Variants in KRT82 observed in about 807,000 individuals in gnomAD.
KRT82 encodes the protein keratin 82.
KRT82 carries 44 observed loss-of-function variants against 48.0 expected under a neutral mutation model. The observed-to-expected ratio is 0.92, with a 90% CI of 0.72 to 1.18. The LOEUF (loss-of-function observed/expected upper bound fraction) is 1.18. KRT82 is among the 50% of genes most tolerant of loss of function. The pLI is 0.00. For missense variants in KRT82, 701 were observed against 671.4 expected (o/e 1.04, Z -0.49); for synonymous variants, 297 against 278.3 (o/e 1.07, Z -0.67).
At position 52,405,852 on chromosome 12, in the gene KRT82, C is replaced by A; in HGVS notation, c.411+15G>T. On this transcript the variant is annotated intron_variant, in intron 1 of 8. Transcript: ENST00000257974. ...CAGTGGGTCCTCTCACGGCCCTGGGCCACTGCCCCCTTACCTTGTTGATGA... is the reference window on the plus strand; with the variant it reads ...CAGTGGGTCCTCTCACGGCCCTGGGACACTGCCCCCTTACCTTGTTGATGA... 6.3e-7 allele frequency: 1 copy of A among 1,598,118 alleles called. No homozygotes were observed.
Position 52,400,094 on chromosome 12 carries a change from T to C in KRT82, c.833A>G (p.Asp278Gly), listed in dbSNP as rs1939767764. Residue 278 changes from aspartate (D) to glycine (G), a missense_variant, in exon 5 of 9, where the codon GAC becomes GGC. Coordinates refer to ENST00000257974, the MANE Select transcript of KRT82 (RefSeq NM_033033.4). ...GTCCACGTCCAGCTCCCGGCTGTTG[T>C]CCATCTTCACAATGACCGAGGTCTC... ...ISETSVIVKM[D>G]NSRELDVDGI... The C allele has an allele frequency of 2.5e-6, 4 of 1,614,140 alleles. No homozygotes were observed. The highest frequency in any genetic ancestry group is 3.4e-6 in the Non-Finnish European group (4 of 1,179,992).
Position 52,400,060 on chromosome 12 carries a change from G to A in KRT82, c.867C>T (p.Ile289=), listed in dbSNP as rs764209499. 1.2e-6 allele frequency: 2 copies of A among 1,614,194 alleles called. No individual in the cohort carries two copies. The highest frequency in any genetic ancestry group is 8.5e-7 in the Non-Finnish European group (1 of 1,180,020). Residue 289 remains isoleucine, a synonymous_variant, in exon 5 of 9, where the codon ATC becomes ATT. Transcript: ENST00000257974. ...CGTCATACTGCGCCTTGATCTCAGC[G>A]ATGATGCCGTCCACGTCCAGCTCCC... ...NSRELDVDGI[I]AEIKAQYDDI...
intron 1 of KRT82, among the ~76,000 whole-genome samples, chr12:52,405,309 C>T (rs2121486360): frequency 6.6e-6 from 1 of 152,352 alleles, no homozygotes; most frequent in South Asian, 2.1e-4. Context: ...GAAGGCATGC[C>T]TTCCTAGCAG....
At chr12:52,395,341 C>T in intron 8 of KRT82, 146 bp from the exon 9 acceptor site, 10 of 663,642 alleles carry the variant, frequency 1.5e-5, no homozygotes, top group Non-Finnish European at 2.3e-5. Flanking sequence ...CTCCGCGTCT[C>T]CCACCCTAGC....
intron 7 of KRT82, 54 bp downstream of exon 7, chr12:52,395,958 G>A (rs1939707152): frequency 6.2e-7 from 1 of 1,606,684 alleles, no homozygotes; most frequent in Non-Finnish European, 8.5e-7. Context: ...CCAGAGGGCT[G>A]GGTAATGGCC....
intron 2 of KRT82, among the ~76,000 whole-genome samples, chr12:52,401,763 T>G (rs1399036428): frequency 6.6e-6 from 1 of 152,064 alleles, no homozygotes; most frequent in African/African-American, 2.4e-5. Context: ...CTGGGAGGGT[T>G]CAGAGCCTGG....
chr12:52,399,309 C>T (rs550124815), intron 5 of KRT82, among the ~76,000 whole-genome samples: 11 of 152,346 alleles, frequency 7.2e-5, no homozygotes, highest in East Asian at 5.8e-4. Flanking sequence ...GGAATGAAAG[C>T]GACATGAAGG....
At chr12:52,400,440 A>G (rs2121476423) in intron 4 of KRT82, 87 bp downstream of exon 4, 1 of 998,164 alleles carries the variant, frequency 1.0e-6, no homozygotes, top group Middle Eastern at 2.0e-4. Context: ...TTGCCCTGAA[A>G]TGTACCCACT....
intron 3 of KRT82, 88 bp from the exon 4 acceptor site, chr12:52,400,710 C>T: frequency 1.1e-6 from 1 of 888,360 alleles, no homozygotes; most frequent in East Asian, 2.4e-5. Flanking sequence ...GCTCACCTTT[C>T]CTCACGAACA....
rs1939712015 is a variant in KRT82 at position 52,396,169 on chromosome 12, C to T, written c.1132G>A (p.Ala378Thr). ...EQQGEAALND[A>T]KCKLAGLEEA... is the part of the protein sequence containing the mutation. ...TCCAGCCCTGCCAGCTTGCACTTGG[C>T]ATCATTGAGAGCCGCCTCGCCCTGC... Residue 378 changes from alanine to threonine, a missense_variant, in exon 7 of 9, where the codon GCC (alanine) becomes ACC (threonine). Coordinates refer to ENST00000257974, the MANE Select transcript of KRT82 (RefSeq NM_033033.4). 6.2e-7 allele frequency: 1 copy of T among 1,614,208 alleles called. No individual in the cohort carries two copies. The highest frequency in any genetic ancestry group is 1.1e-5 in the South Asian group (1 of 91,082).
At chr12:52,398,190 A>G (rs1225092631) in intron 5 of KRT82, among the ~76,000 whole-genome samples, 2 of 152,324 alleles carry the variant, frequency 1.3e-5, no homozygotes, top group East Asian at 3.9e-4. Flanking sequence ...GAGATCTATG[A>G]CCATGGCTGG....
intron 4 of KRT82, 73 bp downstream of exon 4, chr12:52,400,454 C>T (rs1000652643): frequency 2.5e-5 from 28 of 1,118,052 alleles, no homozygotes; most frequent in Admixed American, 6.8e-5. Flanking sequence ...ACCCACTGGG[C>T]GGCCACTCTG....
At position 52,406,170 on chromosome 12, in the gene KRT82, C is replaced by T. The variant is rs747024167; in HGVS notation, c.108G>A (p.Gly36=). 1 of 1,613,302 alleles carries T rather than the reference C, an allele frequency of 6.2e-7. No homozygotes were observed. Among genetic ancestry groups the T allele is most frequent in the South Asian group, 1.1e-5 (1 of 91,002 alleles). The change falls in exon 1 of 9, where the codon GGG becomes GGA. Residue 36 remains glycine, a synonymous_variant. Coordinates refer to ENST00000257974, the MANE Select transcript of KRT82 (RefSeq NM_033033.4). The stretch of plus-strand genomic sequence containing the variant: ...CCCTACCACCCCCGGGCCGGCATGG[C>T]CCCTTGCTCACTGCATAGTGGGTGA... ...RMVTHYAVSK[G]PCRPGGGRGL...
chr12:52,397,818 G>A (rs527608708), intron 5 of KRT82, among the ~76,000 whole-genome samples: 8 of 152,136 alleles, frequency 5.3e-5, no homozygotes, highest in African/African-American at 1.2e-4. Flanking sequence ...AGGCTGAGGC[G>A]GGCAGATCAT....
At chr12:52,400,452 G>A in intron 4 of KRT82, 75 bp downstream of exon 4, 2 of 1,095,908 alleles carry the variant, frequency 1.8e-6, no homozygotes, top group Middle Eastern at 2.0e-4. Context: ...GTACCCACTG[G>A]GCGGCCACTC....
chr12:52,397,411 C>T (rs1444864829), intron 5 of KRT82, among the ~76,000 whole-genome samples: 2 of 152,142 alleles, frequency 1.3e-5, no homozygotes, highest in Non-Finnish European at 2.9e-5. Context: ...AAGGACTGCC[C>T]ATTAGGATGG....
chr12:52,396,558 G>A (rs971101792), intron 6 of KRT82, among the ~76,000 whole-genome samples: 1 of 152,194 alleles, frequency 6.6e-6, no homozygotes, highest in Non-Finnish European at 1.5e-5. Flanking sequence ...TTGAATTTCA[G>A]GATCATAGAA....
At chr12:52,403,551 G>A (rs1939815035) in intron 2 of KRT82, 150 bp downstream of exon 2, 1 of 639,132 alleles carries the variant, frequency 1.6e-6, no homozygotes, top group South Asian at 1.9e-5. Flanking sequence ...TGCCAAGTGG[G>A]GTGCCCTGCT....
chr12:52,405,972 C>T lies in KRT82; in HGVS notation c.306G>A (p.Leu102=), dbSNP rs753608449. 1.9e-6 allele frequency: 3 copies of T among 1,614,242 alleles called. No individual in the cohort carries two copies. The highest frequency in any genetic ancestry group is 3.3e-5 in the Admixed American group (2 of 60,030). The stretch of plus-strand genomic sequence containing the variant: ...GGTCTATCTCCAGTGCCAGTGGGAC[C>T]AGCAGGCTCTCATTGATGGTGACAG... ...ITPVTINESL[L]VPLALEIDPT... is the part of the protein sequence containing the mutation. Residue 102 remains leucine (L), a synonymous_variant, in exon 1 of 9, where the codon CTG becomes CTA. Transcript: ENST00000257974.
Sources: allele counts gnomAD v4.1 joint callset (sites outside exome capture counted in the v4.1 genomes callset), GRCh38; gene constraint gnomAD v4.1.1; transcripts MANE v1.5; gene names NCBI Gene and HGNC (gene_info 2026-07-23, HGNC 2026-07-21).